NRG4: variants seen among roughly 807,000 people sequenced by gnomAD.
The protein encoded by NRG4 is neuregulin 4, also known as pro-neuregulin-4, membrane-bound isoform.
A neutral mutation model predicts 15.0 loss-of-function variants in NRG4; 10 were observed. The ratio of observed to expected loss-of-function variants is 0.67; its 90% CI spans 0.41 to 1.13. The LOEUF is 1.13. Among genes scored for constraint, NRG4 ranks in the 50% most tolerant of loss-of-function variants. The pLI, the probability that NRG4 is intolerant of heterozygous loss-of-function variation, is 0.00. For missense variants in NRG4, 139 were observed against 140.2 expected, an observed-to-expected ratio of 0.99 and a Z score of 0.04; for synonymous variants, 41 against 50.1, an observed-to-expected ratio of 0.82 and a Z score of 0.77.
intron 2 of NRG4, among the ~76,000 whole-genome samples, chr15:76,054,997 G>A (rs1002556567): frequency 6.6e-6 from 1 of 150,524 alleles, no homozygotes; most frequent in African/African-American, 2.4e-5. Context: ...ATTCAAGAGG[G>A]GGCCGGGCAC....
At chr15:76,044,358 CTT>C (rs2035818645) in intron 4 of NRG4, among the ~76,000 whole-genome samples, 1 of 150,532 alleles carries the variant, frequency 6.6e-6, no homozygotes, top group East Asian at 1.9e-4. Flanking sequence ...AGGACAGTCT[CTT>C]CAATAAATGG....
chr15:75,953,420 C>G (rs1595948445), intron 5 of NRG4, among the ~76,000 whole-genome samples: 1 of 152,326 alleles, frequency 6.6e-6, no homozygotes, highest in Non-Finnish European at 1.5e-5. Context: ...ATTACTGCAG[C>G]TTCATAATAA....
intron 3 of NRG4, among the ~76,000 whole-genome samples, chr15:75,964,920 C>A (rs2032718897): frequency 1.3e-5 from 2 of 150,656 alleles, no homozygotes; most frequent in African/African-American, 4.9e-5. Flanking sequence ...AGAGGCTATT[C>A]CAAATAAAAA....
intron 2 of NRG4, among the ~76,000 whole-genome samples, chr15:76,055,368 A>G (rs1284942574): frequency 6.6e-6 from 1 of 152,232 alleles, no homozygotes; most frequent in Non-Finnish European, 1.5e-5. Context: ...TAAATTTCAT[A>G]AACAAAAACT....
intron 4 of NRG4, among the ~76,000 whole-genome samples, chr15:76,037,826 T>C (rs1379515398): frequency 6.6e-6 from 1 of 152,064 alleles, no homozygotes; most frequent in Non-Finnish European, 1.5e-5. Context: ...AAGGAGGTAG[T>C]GCAAATACTC....
chr15:75,958,161 C>T (rs901267781), intron 4 of NRG4, among the ~76,000 whole-genome samples: 9 of 152,094 alleles, frequency 5.9e-5, no homozygotes, highest in African/African-American at 1.9e-4. Flanking sequence ...TACAGGCACC[C>T]GCCACCATGC....
intron 5 of NRG4, among the ~76,000 whole-genome samples, chr15:76,018,736 T>C (rs2035061909): frequency 6.6e-6 from 1 of 152,200 alleles, no homozygotes; most frequent in Admixed American, 6.5e-5. Context: ...AGATGCCGGC[T>C]GGAGCTCTCC....
At chr15:76,007,277 A>T (rs2034637602) in intron 3 of NRG4, among the ~76,000 whole-genome samples, 1 of 152,228 alleles carries the variant, frequency 6.6e-6, no homozygotes, top group African/African-American at 2.4e-5. Flanking sequence ...AGAAAAGAAT[A>T]GTCCAGAAAT....
intron 5 of NRG4, chr15:75,951,273 T>G (rs1174775184): frequency 1.4e-5 from 2 of 142,288 alleles, no homozygotes; most frequent in African/African-American, 5.3e-5. Context: ...GTTCAAGCGG[T>G]TCTCCTACCT....
intron 4 of NRG4, among the ~76,000 whole-genome samples, chr15:76,050,744 G>GAACATACTTCTATACATAC (rs1332868625): frequency 2.9e-4 from 42 of 146,152 alleles, no homozygotes; most frequent in African/African-American, 1.0e-3. Flanking sequence ...GTGCCCAGCC[G>GAACATACTTCTATACATAC]AGCCTTCGTT....
At chr15:75,945,444 TTTCAC>T (rs2031443038) in intron 5 of NRG4, among the ~76,000 whole-genome samples, 1 of 151,942 alleles carries the variant, frequency 6.6e-6, no homozygotes, top group Admixed American at 6.6e-5. Flanking sequence ...AGAGACAGGG[TTTCAC>T]CATGTTGGCC....
At chr15:75,996,618 A>T (rs1596002672) in intron 3 of NRG4, among the ~76,000 whole-genome samples, 2 of 152,130 alleles carry the variant, frequency 1.3e-5, no homozygotes, top group East Asian at 3.9e-4. Context: ...AAAAGTGCCA[A>T]ATTTCTATTT....
chr15:76,048,901 C>T (rs1465515522), intron 4 of NRG4, among the ~76,000 whole-genome samples: 3 of 150,492 alleles, frequency 2.0e-5, no homozygotes, highest in East Asian at 1.9e-4. Flanking sequence ...AAAAATTAGC[C>T]GGGCACGGTG....
At chr15:76,041,512 A>G (rs1489290642) in intron 4 of NRG4, among the ~76,000 whole-genome samples, 2 of 152,192 alleles carry the variant, frequency 1.3e-5, no homozygotes, top group Non-Finnish European at 2.9e-5. Context: ...ACCAACAGAA[A>G]CCAAAAAAGA....
In NRG4 at chr15:75,941,830, G is replaced by C. The variant is rs976090399; in HGVS notation, c.*1808C>G. On this transcript the variant is annotated 3_prime_UTR_variant, in exon 6 of 6. Coordinates refer to ENST00000394907, the MANE Select transcript of NRG4 (RefSeq NM_138573.4). ...CATGAAAAAGTTCCGGAGGTGCATA[G>C]TGGTGACTGGTACATACAACGAATG... is the stretch of plus-strand genomic sequence containing the variant. 3 of 151,160 alleles carry C rather than the reference G, an allele frequency of 2.0e-5. No individual in the cohort carries two copies. Among genetic ancestry groups the C allele is most frequent in the Admixed American group, 1.3e-4 (2 of 15,110 alleles). 9.4% of individuals were successfully genotyped at this position (151,160 alleles called of 1,614,324 possible). A position where few individuals can be genotyped will look rare whatever the true frequency, so the allele number is the denominator to read the frequency against.
chr15:75,960,827 T>A (rs2032478916), intron 4 of NRG4, among the ~76,000 whole-genome samples: 1 of 152,228 alleles, frequency 6.6e-6, no homozygotes. Context: ...TGGGCTTGTA[T>A]TTAAATTTTT....
chr15:75,967,624 G>T (rs1485859244), intron 3 of NRG4, among the ~76,000 whole-genome samples: 1 of 151,932 alleles, frequency 6.6e-6, no homozygotes, highest in African/African-American at 2.4e-5. Context: ...ACCACACCCA[G>T]CTAATTTTTG....
chr15:76,004,129 C>A (rs535546349), intron 3 of NRG4, among the ~76,000 whole-genome samples: 1 of 151,900 alleles, frequency 6.6e-6, no homozygotes, highest in Admixed American at 6.6e-5. Flanking sequence ...TGTAACAATA[C>A]GTGAAAGAAG....
Position 75,978,892 on chromosome 15 carries a change from C to T in NRG4, c.105-16918G>A, listed in dbSNP as rs75029866. Among the ~76,000 whole-genome samples the T allele has an allele frequency of 3.8e-4, 58 of 152,214 alleles. No homozygotes were observed. The East Asian group carries it at 6.4e-3, about 17-fold the overall frequency. On this transcript the variant is annotated intron_variant, in intron 3 of 5. Coordinates refer to ENST00000394907, the MANE Select transcript of NRG4 (RefSeq NM_138573.4). ...CATTTTTTTCAATTAGCAATAATTG[C>T]GCCTCAGATAAACCTCATTGGCTAC...
Sources: gnomAD v4.1 joint callset for allele counts (sites outside exome capture counted in the v4.1 genomes callset) on GRCh38, gnomAD v4.1.1 for gene constraint, MANE v1.5 for transcripts, NCBI Gene and HGNC (gene_info 2026-07-23, HGNC 2026-07-21) for gene names.